Variants in BAZ2A observed in about 807,000 individuals in gnomAD.
The protein encoded by BAZ2A is bromodomain adjacent to zinc finger domain 2A, also known as bromodomain adjacent to zinc finger domain protein 2A.
In BAZ2A, 34 loss-of-function variants were observed where a neutral mutation model predicts 199.9. The observed-to-expected ratio is 0.17, with a 90% confidence interval of 0.13 to 0.23. The LOEUF is 0.23. BAZ2A is among the 10% of genes least tolerant of loss of function. The pLI, the probability that BAZ2A is intolerant of heterozygous loss-of-function variation, is 1.00. For missense variants in BAZ2A, 2,002 were observed against 2,391.1 expected, an observed-to-expected ratio of 0.84 and a Z score of 3.39; for synonymous variants, 857 against 883.9, an observed-to-expected ratio of 0.97 and a Z score of 0.54.
chr12:56,626,105 A>G (rs1951090526), intron 1 of BAZ2A, among the ~76,000 whole-genome samples: 2 of 152,142 alleles, frequency 1.3e-5, no homozygotes, highest in Non-Finnish European at 2.9e-5. Flanking sequence ...ACAATTTTTT[A>G]AATTTCCAAA....
chr12:56,628,446 G>A (rs1424080236), intron 1 of BAZ2A, among the ~76,000 whole-genome samples: 1 of 152,054 alleles, frequency 6.6e-6, no homozygotes, highest in East Asian at 1.9e-4. Context: ...AATAAGAGGG[G>A]AGACGTTCTT....
Position 56,599,115 on chromosome 12 carries a change from T to C in BAZ2A, c.5402+14A>G, listed in dbSNP as rs1187850893. 2.5e-6 allele frequency: 4 copies of C among 1,605,292 alleles called. No homozygotes were observed. The African/African-American group carries it at 5.3e-5, about 21-fold the overall frequency. On this transcript the variant is annotated intron_variant, in intron 27 of 28. Coordinates refer to ENST00000549884, the MANE Select transcript of BAZ2A (RefSeq NM_001300905.2). ...GGTAGAGCCAACTGTCCCCCCAGGA[T>C]TCACTCAACTCACTCGCAAAATGTG...
At chr12:56,620,852 C>T (rs1020832717) in intron 1 of BAZ2A, among the ~76,000 whole-genome samples, 1 of 152,090 alleles carries the variant, frequency 6.6e-6, no homozygotes, top group Admixed American at 6.5e-5. Context: ...TGAGCCACTG[C>T]GCCCAGTCAG....
upstream of BAZ2A, among the ~76,000 whole-genome samples, chr12:56,637,656 C>T (rs1951478973): frequency 6.6e-6 from 1 of 152,026 alleles, no homozygotes; most frequent in South Asian, 2.1e-4. Flanking sequence ...ATTCATTAAA[C>T]TCAGATTAAC....
chr12:56,613,937 T>C lies in BAZ2A; in HGVS notation c.916+16A>G, dbSNP rs1177328273. The C allele has an allele frequency of 4.3e-6, 7 of 1,610,134 alleles. No homozygotes were observed. Among genetic ancestry groups the C allele is most frequent in the Admixed American group, 3.4e-5 (2 of 59,534 alleles). Reference sequence around the variant, plus strand: ...TCTGCATGGATAAGTTAAAGGGACATAGCCTCCAAACCTACCTGGTGCCAG... The same window carrying C: ...TCTGCATGGATAAGTTAAAGGGACACAGCCTCCAAACCTACCTGGTGCCAG... On this transcript the variant is annotated intron_variant, in intron 4 of 28. Coordinates refer to ENST00000549884, the MANE Select transcript of BAZ2A (RefSeq NM_001300905.2).
chr12:56,606,597 A>G, intron 11 of BAZ2A, 36 bp downstream of exon 11: 1 of 1,574,912 alleles, frequency 6.3e-7, no homozygotes, highest in Non-Finnish European at 8.7e-7. Context: ...TGTAGGAAAA[A>G]TTAACCTACT....
chr12:56,604,625 A>C lies in BAZ2A; in HGVS notation c.2923T>G (p.Phe975Val). 1.9e-6 allele frequency: 3 copies of C among 1,604,766 alleles called. No individual in the cohort carries two copies. Among genetic ancestry groups the C allele is most frequent in the Non-Finnish European group, 1.7e-6 (2 of 1,175,610 alleles). ...GAGCCATTGAGCTCATGCACAAGGA[A>C]GGCCAGGACAGCAGCCTTCTGCTGG... ...PPQQKAAVLA[F>V]LVHELNGSTL... Residue 975 changes from phenylalanine to valine, a missense_variant, in exon 15 of 29, where the codon TTC becomes GTC. By Grantham distance (50) the Phe-to-Val change is conservative. Transcript: ENST00000549884.
At chr12:56,634,798 T>C (rs1376796775), upstream of BAZ2A, 1 of 689,110 alleles carries the variant, frequency 1.5e-6, no homozygotes, top group Non-Finnish European at 1.8e-6. Flanking sequence ...AATGGGCGAG[T>C]AGATAGTTCA....
At chr12:56,612,769 T>C (rs537195998) in intron 5 of BAZ2A, among the ~76,000 whole-genome samples, 1 of 152,328 alleles carries the variant, frequency 6.6e-6, no homozygotes, top group African/African-American at 2.4e-5. Flanking sequence ...ATTACAGGCA[T>C]GTGCCAACAC....
Position 56,629,976 on chromosome 12 carries a change from G to A in BAZ2A, c.-3+149C>T, listed in dbSNP as rs920255611. ...CCCAGAGCAAGGAGACCCTCGCCTC[G>A]GGTTGGATCCTCGCAGGAAATAAGC... On this transcript the variant is annotated intron_variant, in intron 1 of 28. Transcript: ENST00000549884. The A allele has an allele frequency of 1.1e-5, 6 of 546,482 alleles. No individual in the cohort carries two copies. In the Admixed American group the frequency reaches 2.5e-4, roughly 23 times the overall value. 33.9% of individuals were successfully genotyped at this position (546,482 alleles called of 1,614,324 possible). A position where few individuals can be genotyped will look rare whatever the true frequency, so the allele number is the denominator to read the frequency against.
At chr12:56,610,324 C>T in intron 8 of BAZ2A, 85 bp downstream of exon 8, 1 of 1,573,128 alleles carries the variant, frequency 6.4e-7, no homozygotes, top group Non-Finnish European at 8.7e-7. Flanking sequence ...AGCCTGTTGT[C>T]ACTGAGCCCA....
chr12:56,615,554 T>C lies in BAZ2A; in HGVS notation c.190A>G (p.Thr64Ala). ...NGLSTVSHTT[T>A]SGILNSAPHS... ...GGAGCAGAGTTCAAAATCCCTGAAG[T>C]AGTAGTGTGAGATACAGTAGATAAG... Residue 64 changes from threonine (T) to alanine (A), a missense_variant, in exon 3 of 29, where the codon ACT (threonine) becomes GCT (alanine). By Grantham distance (58) the Thr-to-Ala change is moderately conservative (BLOSUM62 0). Around this residue, in one of 6 missense-constraint regions of BAZ2A, gnomAD observed 641 missense variants for 694.5 expected, o/e 0.92. Coordinates refer to ENST00000549884, the MANE Select transcript of BAZ2A (RefSeq NM_001300905.2). The C allele has an allele frequency of 1.2e-6, 2 of 1,612,674 alleles. No individual in the cohort carries two copies. Among genetic ancestry groups the C allele is most frequent in the Non-Finnish European group, 1.7e-6 (2 of 1,179,652 alleles).
At chr12:56,599,429 T>C in intron 26 of BAZ2A, 71 bp from the exon 27 acceptor site, 2 of 1,494,884 alleles carry the variant, frequency 1.3e-6, no homozygotes, top group Non-Finnish European at 1.8e-6. Context: ...AATCTCTGCC[T>C]AAATATGATT....
chr12:56,625,583 G>T (rs1315909232), intron 1 of BAZ2A, among the ~76,000 whole-genome samples: 1 of 152,032 alleles, frequency 6.6e-6, no homozygotes, highest in Non-Finnish European at 1.5e-5. Context: ...AAAGTAGGAA[G>T]ACCATCTATC....
At chr12:56,620,009 T>C (rs1267430140) in intron 1 of BAZ2A, among the ~76,000 whole-genome samples, 1 of 152,140 alleles carries the variant, frequency 6.6e-6, no homozygotes, top group Admixed American at 6.6e-5. Context: ...ATTTGTTGAT[T>C]TAAGGGAAAA....
chr12:56,597,637 G>GACACACACACAC lies in BAZ2A; in HGVS notation c.*969_*980dup, dbSNP rs35960815. 4.6e-3 allele frequency: 590 copies of GACACACACACAC among 127,224 alleles called. 5 individuals are homozygous for GACACACACACAC. Among genetic ancestry groups the GACACACACACAC allele is most frequent in the African/African-American group, 0.012 (341 of 29,444 alleles). The allele number at this position is 127,224 out of a possible 1,614,324, so 7.9% of individuals were successfully genotyped here. A position where few individuals can be genotyped will look rare whatever the true frequency, so the allele number is the denominator to read the frequency against. On this transcript the variant is annotated 3_prime_UTR_variant, in exon 29 of 29. Transcript: ENST00000549884. ...CACACACACAGCGCGCTCTGAGGCC[G>GACACACACACAC]ACACACACACACACACACACACACA...
chr12:56,636,359 G>T, exon 1 of BAZ2A: 11 of 1,249,478 alleles, frequency 8.8e-6, no homozygotes, highest in East Asian at 4.1e-5. Context: ...GCTGTAGGGT[G>T]ATGTCCCTGT....
intron 8 of BAZ2A, 77 bp downstream of exon 8, chr12:56,610,332 C>T: frequency 6.3e-7 from 1 of 1,579,780 alleles, no homozygotes; most frequent in Non-Finnish European, 8.7e-7. Context: ...GTCACTGAGC[C>T]CAAGAACGGA....
chr12:56,603,292 A>G, intron 18 of BAZ2A, 67 bp downstream of exon 18: 1 of 1,515,412 alleles, frequency 6.6e-7, no homozygotes, highest in Non-Finnish European at 9.0e-7. Flanking sequence ...ATTCAGTTTA[A>G]AAAAGAAGCT....
Sources: allele counts gnomAD v4.1 joint callset (sites outside exome capture counted in the v4.1 genomes callset), GRCh38; gene constraint gnomAD v4.1.1; regional missense constraint gnomAD v4.1.1; transcripts MANE v1.5; gene names NCBI Gene and HGNC (gene_info 2026-07-23, HGNC 2026-07-21).